Variants in ATRNL1 observed in about 807,000 individuals in gnomAD.
ATRNL1 encodes the protein attractin-like protein 1.
In ATRNL1, 95 loss-of-function variants were observed where a neutral mutation model predicts 182.7. The observed-to-expected ratio is 0.52, with a 90% CI of 0.44 to 0.62. The LOEUF (loss-of-function observed/expected upper bound fraction) is 0.62. ATRNL1 is among the 20% of genes least tolerant of loss of function. The pLI, the probability that ATRNL1 is intolerant of heterozygous loss-of-function variation, is 0.00. For synonymous variants in ATRNL1, 576 were observed against 568.3 expected (o/e 1.01, Z -0.19); for missense variants, 1,471 against 1,679.5 (o/e 0.88, Z 2.17).
intron 26 of ATRNL1, among the ~76,000 whole-genome samples, chr10:115,617,248 G>C (rs563093449): frequency 1.3e-5 from 2 of 152,222 alleles, no homozygotes; most frequent in Non-Finnish European, 2.9e-5. Flanking sequence ...TTTCAGACTT[G>C]CATGGGGCCT....
intron 14 of ATRNL1, among the ~76,000 whole-genome samples, chr10:115,281,930 A>G (rs950573269): frequency 6.8e-6 from 1 of 147,768 alleles, no homozygotes; most frequent in East Asian, 2.0e-4. Context: ...ATTATATATT[A>G]TATATTTTGC....
chr10:115,435,015 A>T (rs1227721472), intron 21 of ATRNL1, among the ~76,000 whole-genome samples: 1 of 149,996 alleles, frequency 6.7e-6, no homozygotes, highest in Non-Finnish European at 1.5e-5. Flanking sequence ...TTTTAACAGT[A>T]TTAAAACCTG....
rs1023848467 is a variant in ATRNL1 at position 115,203,682 on chromosome 10, C to T, written c.1349-12015C>T. Among the ~76,000 whole-genome samples the T allele has an allele frequency of 6.2e-5, 9 of 145,696 alleles. 1 individual carries two copies. Among genetic ancestry groups the T allele is most frequent in the African/African-American group, 2.3e-4 (9 of 39,326 alleles). On this transcript the variant is annotated intron_variant, in intron 8 of 28. Coordinates refer to ENST00000355044, the MANE Select transcript of ATRNL1 (RefSeq NM_207303.4). ...GCAACCTATGCCTCCTGAAGTCAAACGATTCTTGTGCCTCAGCCTCCTGAG... is the reference window on the plus strand; with the variant it reads ...GCAACCTATGCCTCCTGAAGTCAAATGATTCTTGTGCCTCAGCCTCCTGAG...
intron 27 of ATRNL1, among the ~76,000 whole-genome samples, chr10:115,802,762 T>G (rs1593236943): frequency 6.6e-6 from 1 of 152,158 alleles, no homozygotes; most frequent in South Asian, 2.1e-4. Flanking sequence ...TTTGTTAACT[T>G]AAAAGAAATT....
intron 26 of ATRNL1, among the ~76,000 whole-genome samples, chr10:115,569,040 T>G (rs782207131): frequency 2.0e-5 from 3 of 151,910 alleles, no homozygotes; most frequent in Non-Finnish European, 2.9e-5. Flanking sequence ...GAAAAAATCT[T>G]GGCAATTAAA....
chr10:115,817,327 T>C (rs1314027875), intron 27 of ATRNL1, among the ~76,000 whole-genome samples: 1 of 152,130 alleles, frequency 6.6e-6, no homozygotes, highest in Non-Finnish European at 1.5e-5. Context: ...TATGAGGTCA[T>C]AATAAACATG....
intron 18 of ATRNL1, among the ~76,000 whole-genome samples, chr10:115,326,874 T>C (rs368269517): frequency 6.6e-6 from 1 of 152,188 alleles, no homozygotes; most frequent in Non-Finnish European, 1.5e-5. Flanking sequence ...GAAAACTGGC[T>C]AGCCATATGT....
At chr10:115,680,907 C>T (rs1555044503) in intron 26 of ATRNL1, among the ~76,000 whole-genome samples, 1 of 152,090 alleles carries the variant, frequency 6.6e-6, no homozygotes, top group Non-Finnish European at 1.5e-5. Flanking sequence ...ATTTATTAGA[C>T]TGAATGATGG....
In ATRNL1 at chr10:115,270,393, A is replaced by C. The variant is rs2815813; in HGVS notation, c.2100+1949A>C. ...AATCTATTATATAATATATAAATAT[A>C]TGTATATTATATATAAATATAATAT... On this transcript the variant is annotated intron_variant, in intron 13 of 28. Transcript: ENST00000355044. Among the ~76,000 whole-genome samples, 1,171 of 130,578 alleles carry C rather than the reference A, an allele frequency of 9.0e-3. 17 individuals carry two copies. The highest frequency in any genetic ancestry group is 0.033 in the African/African-American group (1,126 of 33,994). 85.7% of individuals were successfully genotyped at this position (130,578 alleles called of 152,430 possible).
At chr10:115,552,690 T>C (rs1265779854) in intron 26 of ATRNL1, among the ~76,000 whole-genome samples, 1 of 151,290 alleles carries the variant, frequency 6.6e-6, no homozygotes, top group Non-Finnish European at 1.5e-5. Context: ...GTTATGACTT[T>C]TGAATAACAC....
chr10:115,115,083 A>G (rs1554869477), intron 1 of ATRNL1, among the ~76,000 whole-genome samples: 1 of 152,218 alleles, frequency 6.6e-6, no homozygotes, highest in Admixed American at 6.5e-5. Context: ...TTGTGACAAC[A>G]TAGATGAAAC....
chr10:115,230,773 C>T (rs1849890385), intron 9 of ATRNL1, among the ~76,000 whole-genome samples: 1 of 150,744 alleles, frequency 6.6e-6, no homozygotes, highest in Non-Finnish European at 1.5e-5. Flanking sequence ...CCATAGAGGC[C>T]AATGTGAAGG....
chr10:115,535,709 C>T (rs1259100520), intron 25 of ATRNL1, among the ~76,000 whole-genome samples: 2 of 152,100 alleles, frequency 1.3e-5, no homozygotes, highest in African/African-American at 2.4e-5. Context: ...TCCAGTTTTT[C>T]TGCTCTGTTT....
chr10:115,187,579 T>C (rs1847989414), intron 8 of ATRNL1, among the ~76,000 whole-genome samples: 1 of 151,788 alleles, frequency 6.6e-6, no homozygotes, highest in South Asian at 2.1e-4. Context: ...AAAATTTAAA[T>C]GTATAGATAC....
chr10:115,914,763 G>C (rs1952793621), intron 28 of ATRNL1, among the ~76,000 whole-genome samples: 1 of 152,130 alleles, frequency 6.6e-6, no homozygotes, highest in Non-Finnish European at 1.5e-5. Flanking sequence ...GTGAGATAAG[G>C]GAAATGAGTA....
intron 26 of ATRNL1, among the ~76,000 whole-genome samples, chr10:115,555,897 A>G (rs1853286783): frequency 6.6e-6 from 1 of 152,032 alleles, no homozygotes; most frequent in Non-Finnish European, 1.5e-5. Flanking sequence ...TAAAAATAGT[A>G]TTTAATTTTC....
chr10:115,817,047 A>C (rs1950181671), intron 27 of ATRNL1, among the ~76,000 whole-genome samples: 1 of 152,106 alleles, frequency 6.6e-6, no homozygotes, highest in African/African-American at 2.4e-5. Flanking sequence ...CTAGATTGGA[A>C]ATAAAGAGCT....
chr10:115,425,758 A>C lies in ATRNL1; in HGVS notation c.3270-492A>C, dbSNP rs1374080639. ...TACCGGAGGAGATCTGTTTTTAAAA[A>C]TACAGATTAATTGGTGTAGAAACTG... On this transcript the variant is annotated intron_variant, in intron 20 of 28. Coordinates refer to ENST00000355044, the MANE Select transcript of ATRNL1 (RefSeq NM_207303.4). Among the ~76,000 whole-genome samples, 28 of 152,106 alleles carry C rather than the reference A, an allele frequency of 1.8e-4. 1 individual carries two copies. The highest frequency in any genetic ancestry group is 1.4e-3 in the Admixed American group (22 of 15,284).
At position 115,700,574 on chromosome 10, in the gene ATRNL1, T is replaced by A. The variant is rs530485198; in HGVS notation, c.3796-26674T>A. Among the ~76,000 whole-genome samples, 4 of 152,256 alleles carry A rather than the reference T, an allele frequency of 2.6e-5. No individual in the cohort carries two copies. The South Asian group carries it at 6.2e-4, about 24-fold the overall frequency. On this transcript the variant is annotated intron_variant, in intron 26 of 28. Coordinates refer to ENST00000355044, the MANE Select transcript of ATRNL1 (RefSeq NM_207303.4). Reference sequence around the variant, plus strand: ...ACTTTTCCTTGTTGAATTGTTTAAATTCCTTGTAGATTCTGCATATTAGAC... The same window carrying A: ...ACTTTTCCTTGTTGAATTGTTTAAAATCCTTGTAGATTCTGCATATTAGAC...
Sources: gnomAD v4.1 joint callset for allele counts (sites outside exome capture counted in the v4.1 genomes callset) on GRCh38, gnomAD v4.1.1 for gene constraint, MANE v1.5 for transcripts, NCBI Gene and HGNC (gene_info 2026-07-23, HGNC 2026-07-21) for gene names.